Variants in FCRL3 observed in about 807,000 individuals in gnomAD.
FCRL3 encodes Fc receptor-like protein 3.
Under a neutral mutation model 75.0 loss-of-function variants are expected in FCRL3, and 89 were observed. The observed-to-expected ratio is 1.19, with a 90% CI of 1.00 to 1.42. FCRL3 has a LOEUF of 1.42. FCRL3 is among the 40% of genes most tolerant of loss of function. The pLI is 0.00. For synonymous variants in FCRL3, 376 were observed against 348.5 expected, an observed-to-expected ratio of 1.08 and a Z score of -0.88; for missense variants, 946 against 880.0, an observed-to-expected ratio of 1.07 and a Z score of -0.95.
Position 157,697,350 on chromosome 1 carries a change from C to A in FCRL3, c.634G>T (p.Glu212Ter). 6.2e-7 allele frequency: 1 copy of A among 1,608,542 alleles called. No homozygotes were observed. Among genetic ancestry groups the A allele is most frequent in the Non-Finnish European group, 8.5e-7 (1 of 1,177,358 alleles). ...IEGSPMTLTC[E>*]TQLSPQRPDV... is the part of the protein sequence containing the mutation. ...GGCCTCTGTGGAGAGAGCTGGGTCT[C>A]ACAGGTCAGGGTCATGGGACTCCCC... Residue 212 changes from glutamate (E) to a stop codon, truncating the protein, a stop_gained, in exon 6 of 15, where the codon GAG becomes TAG. Coordinates refer to ENST00000368184, the MANE Select transcript of FCRL3 (RefSeq NM_052939.4). LOFTEE classifies it high-confidence loss of function.
At position 157,689,786 on chromosome 1, in the gene FCRL3, C is replaced by T. The variant is rs761518201; in HGVS notation, c.1810+12G>A. ...GCAAAATCACATCACAAGGTAGGAC[C>T]TAGACACCCACCTGGTTTCCTTCGG... On this transcript the variant is annotated intron_variant, in intron 10 of 14. Coordinates refer to ENST00000368184, the MANE Select transcript of FCRL3 (RefSeq NM_052939.4). 1.2e-6 allele frequency: 2 copies of T among 1,614,090 alleles called. No individual in the cohort carries two copies. Among genetic ancestry groups the T allele is most frequent in the Non-Finnish European group, 8.5e-7 (1 of 1,179,988 alleles).
chr1:157,679,897 A>C (rs1346324021), intron 13 of FCRL3, among the ~76,000 whole-genome samples: 2 of 151,026 alleles, frequency 1.3e-5, no homozygotes, highest in Non-Finnish European at 2.9e-5. Flanking sequence ...AGAATCCTAT[A>C]ATTTTGAAGG....
At chr1:157,680,348 C>T (rs1011054305) in intron 13 of FCRL3, among the ~76,000 whole-genome samples, 11 of 152,142 alleles carry the variant, frequency 7.2e-5, no homozygotes, top group African/African-American at 2.7e-4. Context: ...TGGAGGAGAA[C>T]AGTAGTAGAA....
At chr1:157,696,817 A>T in intron 6 of FCRL3, 1 of 241,678 alleles carries the variant, frequency 4.1e-6, no homozygotes, top group Non-Finnish European at 8.0e-6. Flanking sequence ...ACCAAATGGA[A>T]GCACCACAGG....
chr1:157,678,880 T>G (rs199820507), intron 14 of FCRL3, 24 bp from the exon 15 acceptor site: 318 of 1,613,192 alleles, frequency 2.0e-4, no homozygotes, highest in Non-Finnish European at 2.6e-4. Context: ...ACACAAAAGG[T>G]AAGTACCTAA....
At chr1:157,684,074 A>G (rs1655018730) in intron 10 of FCRL3, among the ~76,000 whole-genome samples, 1 of 152,180 alleles carries the variant, frequency 6.6e-6, no homozygotes, top group African/African-American at 2.4e-5. Context: ...AAACAACTGA[A>G]CAAAGTATTT....
At position 157,700,596 on chromosome 1, in the gene FCRL3, C is replaced by A; in HGVS notation, c.-96-11G>T. 3 of 1,591,570 alleles carry A rather than the reference C, an allele frequency of 1.9e-6. No individual in the cohort carries two copies. The highest frequency in any genetic ancestry group is 1.1e-5 in the South Asian group (1 of 88,588). ...CTACTCAGATGAGACCTGCAAGAAT[C>A]AGAAAAGGGAAGAAGAGCTTAGTGT... On this transcript the variant is annotated splice_polypyrimidine_tract_variant and intron_variant, in intron 1 of 14. Coordinates refer to ENST00000368184, the MANE Select transcript of FCRL3 (RefSeq NM_052939.4).
At chr1:157,693,746 T>C (rs567912202) in intron 8 of FCRL3, among the ~76,000 whole-genome samples, 194 of 150,930 alleles carry the variant, frequency 1.3e-3, no homozygotes, top group Non-Finnish European at 3.4e-4. Context: ...CTCTCTCTCT[T>C]TCTTTCTTTC....
At chr1:157,699,799 A>T in intron 2 of FCRL3, 87 bp from the exon 3 acceptor site, 7 of 1,443,096 alleles carry the variant, frequency 4.9e-6, no homozygotes, top group Non-Finnish European at 6.7e-6. Flanking sequence ...GTTTTTCCTT[A>T]TCATTTCTTT....
In FCRL3 at chr1:157,695,634, G is replaced by T. The variant is rs747378735; in HGVS notation, c.1133-27C>A. 3 of 1,568,532 alleles carry T rather than the reference G, an allele frequency of 1.9e-6. No individual in the cohort carries two copies. The South Asian group carries it at 3.6e-5, about 19-fold the overall frequency. On this transcript the variant is annotated intron_variant, in intron 7 of 14. Coordinates refer to ENST00000368184, the MANE Select transcript of FCRL3 (RefSeq NM_052939.4). ...TGAAGGAGACAAAAGGGCTGTCAGA[G>T]GATTCTGACGTTGTGACAGATGCAC...
chr1:157,695,631 A>G (rs1352785421), intron 7 of FCRL3, 24 bp from the exon 8 acceptor site: 2 of 1,575,694 alleles, frequency 1.3e-6, no homozygotes, highest in African/African-American at 2.7e-5. Context: ...AAGGGCTGTC[A>G]GAGGATTCTG....
In FCRL3 at chr1:157,697,328, C is replaced by A. The variant is rs575879706; in HGVS notation, c.656G>T (p.Arg219Met). The change falls in exon 6 of 15, where the codon AGG becomes ATG. Residue 219 changes from arginine (R) to methionine (M), a missense_variant. By Grantham distance (91) the Arg-to-Met change is moderately conservative. Transcript: ENST00000368184. ...LTCETQLSPQ[R>M]PDVQLQFSLF... Reference sequence around the variant, plus strand: ...GGAGAATTGCAGCTGGACATCTGGCCTCTGTGGAGAGAGCTGGGTCTCACA... The same window carrying A: ...GGAGAATTGCAGCTGGACATCTGGCATCTGTGGAGAGAGCTGGGTCTCACA... 1.2e-6 allele frequency: 2 copies of A among 1,612,334 alleles called. No homozygotes were observed. Among genetic ancestry groups the A allele is most frequent in the South Asian group, 1.1e-5 (1 of 90,726 alleles).
At chr1:157,695,698 G>T in intron 7 of FCRL3, 91 bp from the exon 8 acceptor site, 1 of 1,396,302 alleles carries the variant, frequency 7.2e-7, no homozygotes, top group Non-Finnish European at 9.7e-7. Context: ...TATGTCCCTT[G>T]TCCCTTGATT....
At chr1:157,699,810 G>C in intron 2 of FCRL3, 98 bp from the exon 3 acceptor site, 1 of 1,364,342 alleles carries the variant, frequency 7.3e-7, no homozygotes, top group South Asian at 1.3e-5. Flanking sequence ...TCATTTCTTT[G>C]CTCCCTTTTT....
intron 5 of FCRL3, 81 bp downstream of exon 5, chr1:157,697,578 G>T: frequency 6.6e-7 from 1 of 1,515,522 alleles, no homozygotes; most frequent in Non-Finnish European, 8.9e-7. Context: ...GACTCTTTAT[G>T]AAATTCCCAC....
chr1:157,700,128 T>C (rs1173732327), intron 2 of FCRL3, among the ~76,000 whole-genome samples: 1 of 152,198 alleles, frequency 6.6e-6, no homozygotes, highest in East Asian at 1.9e-4. Context: ...CCTAGGTTTT[T>C]AGAAGTAACT....
Position 157,676,641 on chromosome 1 carries a change from A to T in FCRL3, c.*2069T>A, listed in dbSNP as rs1490870914. 1 of 1,392,040 alleles carries T rather than the reference A, an allele frequency of 7.2e-7. No individual in the cohort carries two copies. The highest frequency in any genetic ancestry group is 9.9e-7 in the Non-Finnish European group (1 of 1,006,622). 86.2% of individuals were successfully genotyped at this position (1,392,040 alleles called of 1,614,324 possible). On this transcript the variant is annotated 3_prime_UTR_variant, in exon 15 of 15. Transcript: ENST00000368184. ...CAGGGCAATCAATCAGAATTTGCAC[A>T]TTTGTTATATCCGAGATGTACAGTT...
rs1359907665 is a variant in FCRL3 at position 157,678,974 on chromosome 1, C to T, written c.2027-1G>A. ...TCTTGATGCATCATTGGACAATTAG[C>T]TGTTGGGTAGGAGTAGCAAAGAAAA... On this transcript the variant is annotated splice_acceptor_variant, in intron 13 of 14. Transcript: ENST00000368184. LOFTEE classifies it high-confidence loss of function. 3.1e-6 allele frequency: 5 copies of T among 1,614,126 alleles called. No homozygotes were observed. The highest frequency in any genetic ancestry group is 4.5e-5 in the East Asian group (2 of 44,880).
intron 6 of FCRL3, 58 bp downstream of exon 6, chr1:157,697,082 T>C: frequency 7.3e-7 from 1 of 1,364,428 alleles, no homozygotes; most frequent in Non-Finnish European, 9.6e-7. Context: ...GCAGGAGATA[T>C]CACTGGCCTT....
Sources: allele counts gnomAD v4.1 joint callset (sites outside exome capture counted in the v4.1 genomes callset), GRCh38; gene constraint gnomAD v4.1.1; transcripts MANE v1.5; gene names NCBI Gene and HGNC (gene_info 2026-07-23, HGNC 2026-07-21).